The following SEM1 variants were observed in gnomAD, a reference collection of about 807,000 sequenced individuals.
SEM1 encodes SEM1 26S proteasome subunit.
In SEM1, 3 loss-of-function variants were observed where a neutral mutation model predicts 12.7. That is an observed-to-expected ratio of 0.24 (90% CI 0.11 to 0.61). The LOEUF (loss-of-function observed/expected upper bound fraction) is 0.61, where lower values mean the gene tolerates loss of function less well. Ranked by LOEUF, SEM1 falls within the 20% of genes least tolerant of loss-of-function variation. SEM1 has a pLI of 0.88. For synonymous variants in SEM1, 30 were observed against 27.8 expected (o/e 1.08, Z -0.25); for missense variants, 59 against 81.3 (o/e 0.73, Z 1.06).
chr7:96,507,125 C>G (rs1428372100), intron 2 of SEM1, among the ~76,000 whole-genome samples: 2 of 151,984 alleles, frequency 1.3e-5, no homozygotes, highest in Non-Finnish European at 1.5e-5. Context: ...ATACAGGAAG[C>G]AGTTTGACTT....
intron 2 of SEM1, among the ~76,000 whole-genome samples, chr7:96,628,541 T>C (rs1466832247): frequency 6.6e-6 from 1 of 152,202 alleles, no homozygotes; most frequent in Non-Finnish European, 1.5e-5. Context: ...CACTTTAACT[T>C]TATCCTCCCA....
chr7:96,495,296 G>A (rs1276084515), intron 1 of SEM1, among the ~76,000 whole-genome samples: 1 of 152,072 alleles, frequency 6.6e-6, no homozygotes, highest in Admixed American at 6.6e-5. Flanking sequence ...CAAATTTGGA[G>A]CTAACATGAC....
At chr7:96,510,692 G>A (rs891282030) in intron 2 of SEM1, among the ~76,000 whole-genome samples, 1 of 152,118 alleles carries the variant, frequency 6.6e-6, no homozygotes, top group Admixed American at 6.6e-5. Context: ...CAATATCAGG[G>A]AAGGTAAAAT....
chr7:96,509,923 A>G (rs1417008510), intron 2 of SEM1, among the ~76,000 whole-genome samples: 1 of 151,900 alleles, frequency 6.6e-6, no homozygotes, highest in Non-Finnish European at 1.5e-5. Flanking sequence ...TTCATGTTTA[A>G]TAAGTACATA....
chr7:96,575,840 A>C (rs1806187835), intron 2 of SEM1, among the ~76,000 whole-genome samples: 1 of 152,264 alleles, frequency 6.6e-6, no homozygotes, highest in African/African-American at 2.4e-5. Flanking sequence ...ACAAATGGTT[A>C]ATATCCAGAA....
upstream of SEM1, chr7:96,496,370 G>A (rs181907136): frequency 1.7e-6 from 2 of 1,175,014 alleles, no homozygotes; most frequent in Admixed American, 2.2e-5. Flanking sequence ...TTATTCAAAT[G>A]TAATATAAAA....
chr7:96,701,882 G>A (rs1316365581), intron 1 of SEM1, among the ~76,000 whole-genome samples: 1 of 152,062 alleles, frequency 6.6e-6, no homozygotes, highest in Non-Finnish European at 1.5e-5. Context: ...CAAAATTTAA[G>A]ATATGCCAGG....
intron 2 of SEM1, among the ~76,000 whole-genome samples, chr7:96,521,572 G>A (rs752976150): frequency 3.3e-5 from 5 of 152,128 alleles, no homozygotes; most frequent in Non-Finnish European, 5.9e-5. Context: ...TTATGGCTGA[G>A]TTACCCACAC....
At chr7:96,577,275 G>A (rs1806237557) in intron 2 of SEM1, among the ~76,000 whole-genome samples, 1 of 152,140 alleles carries the variant, frequency 6.6e-6, no homozygotes, top group Non-Finnish European at 1.5e-5. Context: ...GTGGCCTAGA[G>A]CTTGGGCCTT....
chr7:96,675,772 G>T (rs928827603), intron 2 of SEM1, among the ~76,000 whole-genome samples: 5 of 152,158 alleles, frequency 3.3e-5, no homozygotes, highest in African/African-American at 1.2e-4. Flanking sequence ...AGTGAGTGAT[G>T]CAAAGGAAGA....
chr7:96,576,507 C>T (rs906857505), intron 2 of SEM1, among the ~76,000 whole-genome samples: 3 of 152,082 alleles, frequency 2.0e-5, no homozygotes, highest in Non-Finnish European at 4.4e-5. Context: ...GCATTTTCCT[C>T]CTAATAATTT....
intron 1 of SEM1, among the ~76,000 whole-genome samples, chr7:96,706,818 AC>A (rs1285988879): frequency 6.6e-6 from 1 of 152,190 alleles, no homozygotes; most frequent in East Asian, 1.9e-4. Context: ...TTTCTGGAGC[AC>A]TGACACTCAA....
At chr7:96,594,066 A>G (rs1229312747) in intron 2 of SEM1, among the ~76,000 whole-genome samples, 1 of 152,200 alleles carries the variant, frequency 6.6e-6, no homozygotes, top group Non-Finnish European at 1.5e-5. Flanking sequence ...TTATGTAGAT[A>G]TGTAATAAGG....
chr7:96,625,484 T>C (rs1007300985), intron 2 of SEM1, among the ~76,000 whole-genome samples: 2 of 152,196 alleles, frequency 1.3e-5, no homozygotes, highest in African/African-American at 4.8e-5. Flanking sequence ...CAGATGCTCT[T>C]TTGAAACAAA....
chr7:96,643,754 A>G (rs1015440400), intron 2 of SEM1, among the ~76,000 whole-genome samples: 1 of 152,132 alleles, frequency 6.6e-6, no homozygotes, highest in Non-Finnish European at 1.5e-5. Context: ...GAGTTGAACA[A>G]TGAGAACACA....
Position 96,503,519 on chromosome 7 carries a change from A to G in SEM1, c.*60+3104T>C, listed in dbSNP as rs139538605. ...TCATCTCGGAGACTGCATATCGTGA[A>G]TTGCGTAAGTCACTGAGACGAATAA... On this transcript the variant is annotated intron_variant and NMD_transcript_variant, in intron 3 of 3. Transcript: ENST00000466986. 7 of 152,270 alleles carry G rather than the reference A, an allele frequency of 4.6e-5. No homozygotes were observed. In the East Asian group the frequency reaches 1.2e-3, roughly 25 times the overall value. The allele number at this position is 152,270 out of a possible 1,614,324, so 9.4% of individuals were successfully genotyped here.
chr7:96,524,574 A>G (rs1481831768), intron 2 of SEM1, among the ~76,000 whole-genome samples: 1 of 152,090 alleles, frequency 6.6e-6, no homozygotes, highest in East Asian at 1.9e-4. Context: ...TCTAGTAAGT[A>G]CATTAAAAAA....
At chr7:96,513,842 T>C (rs1354832484) in intron 2 of SEM1, among the ~76,000 whole-genome samples, 1 of 151,872 alleles carries the variant, frequency 6.6e-6, no homozygotes, top group Admixed American at 6.6e-5. Context: ...AATAAAAAAA[T>C]TCGTTATAAA....
intron 2 of SEM1, among the ~76,000 whole-genome samples, chr7:96,605,256 C>T (rs2177673): frequency 0.93 from 140,939 of 152,182 alleles, 66,219 homozygotes; most frequent in East Asian, 1. Context: ...TTTGGCCCTA[C>T]ATTGGCATTC....
Sources: gnomAD v4.1 joint callset for allele counts (sites outside exome capture counted in the v4.1 genomes callset) on GRCh38, gnomAD v4.1.1 for gene constraint, MANE v1.5 for transcripts, NCBI Gene and HGNC (gene_info 2026-07-23, HGNC 2026-07-21) for gene names.